VDR: variants seen among roughly 807,000 people sequenced by gnomAD.
VDR encodes vitamin D3 receptor.
VDR carries 19 observed loss-of-function variants against 39.7 expected under a neutral mutation model. The ratio of observed to expected loss-of-function variants is 0.48; its 90% confidence interval spans 0.33 to 0.70. The LOEUF (loss-of-function observed/expected upper bound fraction) is 0.70, where lower values mean the gene tolerates loss of function less well. VDR is among the 30% of genes least tolerant of loss of function. VDR has a pLI of 0.02. For missense variants in VDR, 442 were observed against 570.5 expected, an observed-to-expected ratio of 0.77 and a Z score of 2.29; for synonymous variants, 242 against 215.8, an observed-to-expected ratio of 1.12 and a Z score of -1.07.
intron 5 of VDR, 60 bp downstream of exon 5, chr12:47,857,444 C>T: frequency 6.2e-7 from 1 of 1,612,704 alleles, no homozygotes. Flanking sequence ...ACTCCCTGGG[C>T]CCTGGCTCCA....
rs140839785 is a variant in VDR, at chr12:47,884,688, T to G, written c.-83-1914A>C. On this transcript the variant is annotated intron_variant, in intron 1 of 9. Transcript: ENST00000549336. Reference sequence around the variant, plus strand: ...CTAGGTAGCTTAGCTCTGAGTCATTTCTGCAACCCTAAGCCGTGGACACCT... The same window carrying G: ...CTAGGTAGCTTAGCTCTGAGTCATTGCTGCAACCCTAAGCCGTGGACACCT... Among the ~76,000 whole-genome samples the G allele has an allele frequency of 2.3e-3, 355 of 152,290 alleles. 3 individuals carry two copies. The highest frequency in any genetic ancestry group is 8.3e-3 in the African/African-American group (344 of 41,562).
chr12:47,894,487 A>T lies in VDR; in HGVS notation c.-84+10468T>A, dbSNP rs183864185. ...AGTTGCTGCCAGGTGGGCTGCAGAC[A>T]GGTAGCATCCTAGGGAGGATGTCAG... On this transcript the variant is annotated intron_variant, in intron 1 of 9. Coordinates refer to ENST00000549336, the MANE Select transcript of VDR (RefSeq NM_000376.3). Among the ~76,000 whole-genome samples, 8 of 152,288 alleles carry T rather than the reference A, an allele frequency of 5.3e-5. No homozygotes were observed. The East Asian group carries it at 1.5e-3, about 29-fold the overall frequency.
intron 9 of VDR, among the ~76,000 whole-genome samples, chr12:47,846,070 C>T (rs11574108): frequency 2.3e-3 from 350 of 152,342 alleles, no homozygotes; most frequent in African/African-American, 8.3e-3. Flanking sequence ...TGTCTGTGGC[C>T]CCAGGAACCC....
At chr12:47,900,137 TC>T (rs1946533449) in intron 1 of VDR, among the ~76,000 whole-genome samples, 1 of 152,204 alleles carries the variant, frequency 6.6e-6, no homozygotes, top group South Asian at 2.1e-4. Flanking sequence ...CTCTGCACAA[TC>T]CTACCTCTGT....
At chr12:47,868,764 CCTT>C (rs2137174192) in intron 3 of VDR, among the ~76,000 whole-genome samples, 1 of 80,138 alleles carries the variant, frequency 1.2e-5, no homozygotes, top group South Asian at 5.4e-4. Context: ...ACTCTCATTT[CCTT>C]TTTTTTTTTT....
rs543373445 is a variant in VDR, at chr12:47,878,843, A to G, written c.146+125T>C. The G allele has an allele frequency of 1.3e-4, 187 of 1,480,706 alleles. 1 individual carries two copies. The highest frequency in any genetic ancestry group is 6.6e-4 in the South Asian group (56 of 84,476). 91.7% of individuals were successfully genotyped at this position (1,480,706 alleles called of 1,614,324 possible). On this transcript the variant is annotated intron_variant, in intron 3 of 9. Transcript: ENST00000549336. ...AGACCCTCCTGCTCCTGTGGCTGTG[A>G]GCGCCGCATGTTCCATGGACATTGT... is the stretch of plus-strand genomic sequence containing the variant.
At chr12:47,873,117 G>A (rs1945917359) in intron 3 of VDR, among the ~76,000 whole-genome samples, 1 of 152,176 alleles carries the variant, frequency 6.6e-6, no homozygotes, top group African/African-American at 2.4e-5. Context: ...GAGGGGCCTG[G>A]TGGGACATGA....
intron 4 of VDR, among the ~76,000 whole-genome samples, chr12:47,860,415 A>C (rs1351608186): frequency 3.9e-5 from 6 of 152,240 alleles, no homozygotes; most frequent in African/African-American, 1.4e-4. Flanking sequence ...TGGTTCAGGA[A>C]AGGCTAGTGA....
At chr12:47,875,560 A>C (rs1000661107) in intron 3 of VDR, among the ~76,000 whole-genome samples, 16 of 152,236 alleles carry the variant, frequency 1.1e-4, no homozygotes, top group Non-Finnish European at 2.2e-4. Flanking sequence ...CAAAATGGAA[A>C]ACTTCCAAAT....
chr12:47,846,557 A>C, intron 8 of VDR, 100 bp downstream of exon 8: 4 of 1,578,308 alleles, frequency 2.5e-6, no homozygotes, highest in Non-Finnish European at 3.5e-6. Flanking sequence ...TTGGTGCCTA[A>C]CTCCCTCCCA....
intron 7 of VDR, among the ~76,000 whole-genome samples, chr12:47,852,007 T>C (rs1212684013): frequency 6.6e-6 from 1 of 151,900 alleles, no homozygotes; most frequent in East Asian, 1.9e-4. Flanking sequence ...AAACTGAGAG[T>C]AGTGCTATTT....
At chr12:47,898,088 G>A (rs887567558) in intron 1 of VDR, among the ~76,000 whole-genome samples, 1 of 152,222 alleles carries the variant, frequency 6.6e-6, no homozygotes, top group Non-Finnish European at 1.5e-5. Context: ...TTGGGAGGAT[G>A]TAGAACCGTG....
chr12:47,861,794 A>T (rs1243278114), intron 4 of VDR, among the ~76,000 whole-genome samples: 1 of 152,200 alleles, frequency 6.6e-6, no homozygotes, highest in Non-Finnish European at 1.5e-5. Flanking sequence ...TGCGCAAGTT[A>T]TTCCCATGCA....
intron 7 of VDR, among the ~76,000 whole-genome samples, chr12:47,849,166 T>G (rs1029571187): frequency 6.6e-6 from 1 of 152,216 alleles, no homozygotes; most frequent in African/African-American, 2.4e-5. Flanking sequence ...ACCCCGTCAA[T>G]GGCTGCATGT....
intron 3 of VDR, among the ~76,000 whole-genome samples, chr12:47,871,305 T>TCTTTCTTC (rs1945861476): frequency 8.0e-6 from 1 of 124,912 alleles, no homozygotes; most frequent in Non-Finnish European, 1.7e-5. Context: ...TTTCTTTCTT[T>TCTTTCTTC]CTTTCTTTCT....
chr12:47,860,066 C>T (rs1013787911), intron 4 of VDR, among the ~76,000 whole-genome samples: 25 of 151,930 alleles, frequency 1.6e-4, no homozygotes, highest in Admixed American at 5.2e-4. Context: ...GGGTTCTAAG[C>T]GATTCTCCTG....
rs1945696379 is a variant in VDR, at chr12:47,864,925, A to T, written c.277+122T>A. 1.9e-6 allele frequency: 3 copies of T among 1,540,086 alleles called. No homozygotes were observed. In the Admixed American group the frequency reaches 5.1e-5, roughly 26 times the overall value. ...CTGGTCCCACTGAGGCCCTGGCCCC[A>T]GATGCTGGCAGCTACAGAGGAAGGG... On this transcript the variant is annotated intron_variant, in intron 4 of 9. Transcript: ENST00000549336.
chr12:47,884,484 T>G (rs1480516190), intron 1 of VDR, among the ~76,000 whole-genome samples: 1 of 152,126 alleles, frequency 6.6e-6, no homozygotes, highest in African/African-American at 2.4e-5. Context: ...CCTTTTGCAA[T>G]GACAATCATC....
intron 7 of VDR, among the ~76,000 whole-genome samples, chr12:47,854,846 G>A (rs913034917): frequency 6.6e-6 from 1 of 152,246 alleles, no homozygotes; most frequent in Non-Finnish European, 1.5e-5. Flanking sequence ...CTGGGCCTAC[G>A]CCAGAGATTC....
Sources: gnomAD v4.1 joint callset for allele counts (sites outside exome capture counted in the v4.1 genomes callset) on GRCh38, gnomAD v4.1.1 for gene constraint, MANE v1.5 for transcripts, NCBI Gene and HGNC (gene_info 2026-07-23, HGNC 2026-07-21) for gene names.